Variants in NUDCD1 observed in about 807,000 individuals in gnomAD.
The protein encoded by NUDCD1 is NudC domain containing 1.
Under a neutral mutation model 67.8 loss-of-function variants are expected in NUDCD1, and 60 were observed. The observed-to-expected ratio is 0.88, with a 90% confidence interval of 0.72 to 1.10. The LOEUF is 1.10. Among genes scored for constraint, NUDCD1 ranks in the 50% least tolerant of loss-of-function variants. The pLI, the probability that NUDCD1 is intolerant of heterozygous loss-of-function variation, is 0.00. For synonymous variants in NUDCD1, 244 were observed against 230.8 expected (o/e 1.06, Z -0.52); for missense variants, 643 against 695.0 (o/e 0.93, Z 0.84).
At chr8:109,296,647 G>T in intron 2 of NUDCD1, 78 bp from the exon 3 acceptor site, 1 of 984,676 alleles carries the variant, frequency 1.0e-6, no homozygotes, top group Non-Finnish European at 1.5e-6. Context: ...CTGCGGTGTG[G>T]TGGTTTCTCT....
chr8:109,309,126 C>T (rs978089719), intron 2 of NUDCD1, among the ~76,000 whole-genome samples: 5 of 152,166 alleles, frequency 3.3e-5, no homozygotes, highest in East Asian at 1.9e-4. Flanking sequence ...CAGTATCACC[C>T]TATTACCACA....
At chr8:109,315,141 T>G (rs184166616) in intron 2 of NUDCD1, 3 of 152,236 alleles carry the variant, frequency 2.0e-5, no homozygotes, top group Non-Finnish European at 2.9e-5. Context: ...TTTTCCCTTT[T>G]TTTTGTATTA....
intron 2 of NUDCD1, 81 bp from the exon 3 acceptor site, chr8:109,296,650 G>T: frequency 1.0e-6 from 1 of 964,720 alleles, no homozygotes; most frequent in Admixed American, 2.5e-5. Flanking sequence ...CGGTGTGGTG[G>T]TTTCTCTCCT....
intron 2 of NUDCD1, among the ~76,000 whole-genome samples, chr8:109,306,159 T>C (rs1446672633): frequency 2.0e-5 from 3 of 152,178 alleles, no homozygotes; most frequent in Non-Finnish European, 4.4e-5. Context: ...CAGTTTACAC[T>C]TTTCTTCCAA....
At chr8:109,292,892 A>T (rs564400333) in intron 4 of NUDCD1, among the ~76,000 whole-genome samples, 2 of 152,222 alleles carry the variant, frequency 1.3e-5, no homozygotes, top group South Asian at 2.1e-4. Flanking sequence ...AATGAAGTTC[A>T]ATTAGATTTA....
chr8:109,310,769 A>C (rs1815224940), intron 2 of NUDCD1, among the ~76,000 whole-genome samples: 1 of 151,694 alleles, frequency 6.6e-6, no homozygotes, highest in African/African-American at 2.4e-5. Context: ...GAAAAAAAAC[A>C]ATCCCATCAA....
At chr8:109,280,941 T>A in intron 6 of NUDCD1, 27 bp downstream of exon 6, 1 of 1,075,018 alleles carries the variant, frequency 9.3e-7, no homozygotes, top group Non-Finnish European at 1.3e-6. Context: ...GATAATAGAA[T>A]ATTAAAGTAA....
At position 109,243,243 on chromosome 8, in the gene NUDCD1, C is replaced by A; in HGVS notation, c.1518G>T (p.Ser506=). The change falls in exon 10 of 10, where the codon TCG becomes TCT. Residue 506 remains serine, a synonymous_variant. Coordinates refer to ENST00000239690, the MANE Select transcript of NUDCD1 (RefSeq NM_032869.4). ...KKFFACAPNY[S]YAALCECLRR... is the part of the protein sequence containing the mutation. ...GAAGGCACTCACAAAGGGCTGCATA[C>A]GAGTAATTTGGAGCACAGGCAAAAA... The A allele has an allele frequency of 6.2e-7, 1 of 1,608,664 alleles. No homozygotes were observed. Among genetic ancestry groups the A allele is most frequent in the Non-Finnish European group, 8.5e-7 (1 of 1,176,176 alleles).
intron 5 of NUDCD1, among the ~76,000 whole-genome samples, chr8:109,286,184 G>A (rs1438832856): frequency 6.6e-6 from 1 of 152,084 alleles, no homozygotes; most frequent in Non-Finnish European, 1.5e-5. Flanking sequence ...GACATTCCAA[G>A]CTAATAGGTT....
intron 1 of NUDCD1, among the ~76,000 whole-genome samples, chr8:109,327,429 T>C (rs188455773): frequency 7.2e-4 from 109 of 152,230 alleles, no homozygotes; most frequent in Admixed American, 2.1e-3. Context: ...CAGCTTTTCT[T>C]CCCTCTGCTC....
intron 2 of NUDCD1, among the ~76,000 whole-genome samples, chr8:109,312,557 A>G (rs764069835): frequency 3.6e-4 from 55 of 152,232 alleles, no homozygotes; most frequent in East Asian, 1.9e-4. Context: ...AATTTATTCA[A>G]TAAGAATACC....
chr8:109,287,036 T>A (rs1814590846), intron 5 of NUDCD1, among the ~76,000 whole-genome samples: 1 of 151,916 alleles, frequency 6.6e-6, no homozygotes, highest in South Asian at 2.1e-4. Context: ...CACTAATCAT[T>A]AGCACTAATT....
At chr8:109,251,168 CTT>C (rs1161896743) in intron 8 of NUDCD1, among the ~76,000 whole-genome samples, 1 of 134,824 alleles carries the variant, frequency 7.4e-6, no homozygotes, top group African/African-American at 2.6e-5. Flanking sequence ...TCATCTATTT[CTT>C]TTTTTTTTTT....
intron 1 of NUDCD1, among the ~76,000 whole-genome samples, chr8:109,324,320 T>C (rs899930796): frequency 9.2e-5 from 14 of 151,472 alleles, no homozygotes; most frequent in African/African-American, 3.4e-4. Flanking sequence ...CACTAATTAT[T>C]GAGGAAATGC....
intron 8 of NUDCD1, among the ~76,000 whole-genome samples, chr8:109,249,815 A>T (rs1016740270): frequency 2.6e-5 from 4 of 151,986 alleles, no homozygotes; most frequent in Non-Finnish European, 4.4e-5. Flanking sequence ...GAATCCCATT[A>T]AAAAATGAGA....
At chr8:109,292,338 A>G (rs1473305671) in intron 4 of NUDCD1, among the ~76,000 whole-genome samples, 1 of 152,116 alleles carries the variant, frequency 6.6e-6, no homozygotes, top group East Asian at 1.9e-4. Context: ...ACAACACCAA[A>G]AAGAACTAAT....
intron 2 of NUDCD1, chr8:109,313,835 T>A (rs1331957187): frequency 9.0e-7 from 1 of 1,116,844 alleles, no homozygotes; most frequent in Non-Finnish European, 1.2e-6. Flanking sequence ...AGTCTAATTA[T>A]CAATCAGATA....
intron 8 of NUDCD1, among the ~76,000 whole-genome samples, chr8:109,253,429 G>C (rs1397355033): frequency 6.6e-6 from 1 of 152,138 alleles, no homozygotes; most frequent in Non-Finnish European, 1.5e-5. Flanking sequence ...TAGATCGCCT[G>C]GTCATCAGAA....
At chr8:109,265,405 T>C (rs1230584479) in intron 8 of NUDCD1, among the ~76,000 whole-genome samples, 9 of 152,174 alleles carry the variant, frequency 5.9e-5, no homozygotes, top group Non-Finnish European at 1.2e-4. Flanking sequence ...TTTTAAACTA[T>C]TATAACTATT....
Sources: gnomAD v4.1 joint callset for allele counts (sites outside exome capture counted in the v4.1 genomes callset) on GRCh38, gnomAD v4.1.1 for gene constraint, MANE v1.5 for transcripts, NCBI Gene and HGNC (gene_info 2026-07-23, HGNC 2026-07-21) for gene names.